The following CALD1 variants were observed in gnomAD, a reference collection of about 807,000 sequenced individuals.
CALD1 encodes caldesmon.
A neutral mutation model predicts 99.9 loss-of-function variants in CALD1; 33 were observed. The ratio of observed to expected loss-of-function variants is 0.33; its 90% CI spans 0.25 to 0.44. The LOEUF (loss-of-function observed/expected upper bound fraction) is 0.44. Among genes scored for constraint, CALD1 ranks in the 20% least tolerant of loss-of-function variants. CALD1 has a pLI of 1.00. For missense variants in CALD1, 861 were observed against 962.1 expected (o/e 0.89, Z 1.39); for synonymous variants, 310 against 325.0 (o/e 0.95, Z 0.50).
intron 3 of CALD1, among the ~76,000 whole-genome samples, chr7:134,869,814 A>T (rs1037137063): frequency 6.6e-6 from 1 of 152,166 alleles, no homozygotes; most frequent in Non-Finnish European, 1.5e-5. Context: ...ACAAAAGCTG[A>T]GGGGATATTC....
chr7:134,813,531 A>G (rs57336488), intron 1 of CALD1, among the ~76,000 whole-genome samples: 30,565 of 152,164 alleles, frequency 0.2, 3,205 homozygotes, highest in East Asian at 0.29. Context: ...TTGCAGGAGT[A>G]AAGACAAACT....
At chr7:134,803,424 CT>C (rs1183292482) in intron 1 of CALD1, among the ~76,000 whole-genome samples, 2 of 151,566 alleles carry the variant, frequency 1.3e-5, no homozygotes, top group Non-Finnish European at 2.9e-5. Flanking sequence ...ATGGCTAGTT[CT>C]TTTTCTTTTC....
At chr7:134,855,250 G>A (rs771193765) in intron 2 of CALD1, among the ~76,000 whole-genome samples, 5 of 152,222 alleles carry the variant, frequency 3.3e-5, no homozygotes, top group East Asian at 1.9e-4. Context: ...TAATGTCCAC[G>A]TTCACTTGTC....
intron 1 of CALD1, among the ~76,000 whole-genome samples, chr7:134,808,406 C>T (rs1798233252): frequency 6.6e-6 from 1 of 152,138 alleles, no homozygotes; most frequent in Non-Finnish European, 1.5e-5. Context: ...CCACCTGGCC[C>T]CCATTCTATT....
intron 1 of CALD1, among the ~76,000 whole-genome samples, chr7:134,821,717 G>A (rs1586029010): frequency 2.0e-5 from 3 of 151,054 alleles, no homozygotes; most frequent in East Asian, 2.0e-4. Context: ...TGAGTAGCTG[G>A]GATTACAGGT....
At chr7:134,926,398 C>G (rs1026095456) in intron 3 of CALD1, among the ~76,000 whole-genome samples, 9 of 152,184 alleles carry the variant, frequency 5.9e-5, no homozygotes, top group African/African-American at 1.9e-4. Flanking sequence ...ATTGCCCCCC[C>G]ATATTTGTGA....
At chr7:134,832,454 A>G (rs1799269015) in intron 1 of CALD1, among the ~76,000 whole-genome samples, 1 of 152,212 alleles carries the variant, frequency 6.6e-6, no homozygotes, top group African/African-American at 2.4e-5. Flanking sequence ...AATAGAAATA[A>G]AAGCAGTCTG....
intron 1 of CALD1, among the ~76,000 whole-genome samples, chr7:134,747,611 C>T (rs765565008): frequency 2.2e-4 from 33 of 152,322 alleles, no homozygotes; most frequent in Middle Eastern, 6.8e-3. Context: ...GGAAGGCCAT[C>T]GCTGCCCAGA....
At chr7:134,727,477 T>C in the CALD1 span, among the ~76,000 whole-genome samples, 21 of 152,216 alleles carry the variant, frequency 1.4e-4, no homozygotes, top group Non-Finnish European at 2.9e-4. Flanking sequence ...GTCCACAAAA[T>C]AGACAGGAGC....
chr7:134,881,779 CCT>C (rs1801615057), intron 3 of CALD1, among the ~76,000 whole-genome samples: 1 of 152,164 alleles, frequency 6.6e-6, no homozygotes, highest in Non-Finnish European at 1.5e-5. Flanking sequence ...TGTCACCCTC[CCT>C]AGAGCCCGTC....
rs184308786 is a variant in CALD1 at position 134,802,255 on chromosome 7, C to T, written c.-130+22506C>T. Among the ~76,000 whole-genome samples the T allele has an allele frequency of 1.8e-3, 273 of 152,142 alleles. 1 individual carries two copies. The highest frequency in any genetic ancestry group is 6.2e-3 in the African/African-American group (258 of 41,494). The stretch of plus-strand genomic sequence containing the variant: ...TTACCACATTGCCTACCTTACACAT[C>T]TACTGTTCTGATTTCTATCACCATA... On this transcript the variant is annotated intron_variant, in intron 1 of 14. Transcript: ENST00000361675.
At chr7:134,903,003 A>C (rs2132623047) in intron 3 of CALD1, among the ~76,000 whole-genome samples, 1 of 152,288 alleles carries the variant, frequency 6.6e-6, no homozygotes, top group South Asian at 2.1e-4. Context: ...TGAGCTCTTA[A>C]GCCATGAAAA....
At chr7:134,940,272 A>T (rs746673775) in intron 6 of CALD1, among the ~76,000 whole-genome samples, 1 of 152,230 alleles carries the variant, frequency 6.6e-6, no homozygotes, top group Non-Finnish European at 1.5e-5. Flanking sequence ...TAAATTCAGT[A>T]TACTTTTAAA....
At chr7:134,948,105 T>A (rs1433176420) in intron 8 of CALD1, 1 of 188,018 alleles carries the variant, frequency 5.3e-6, no homozygotes, top group African/African-American at 2.4e-5. Flanking sequence ...CTTTACTGCC[T>A]CTCAAAAAGG....
chr7:134,753,842 C>T (rs1796705928), intron 1 of CALD1, among the ~76,000 whole-genome samples: 2 of 152,186 alleles, frequency 1.3e-5, no homozygotes, highest in South Asian at 4.1e-4. Flanking sequence ...CCCTCCCTGG[C>T]CTGCTCTGAC....
In CALD1 at chr7:134,889,777, A is replaced by G. The variant is rs576144404; in HGVS notation, c.71+21973A>G. ...TGTCTTATGTGCTACTTTCATCAAT[A>G]TATGTTCGGTGATCATATGTGTAAT... On this transcript the variant is annotated intron_variant, in intron 3 of 14. Transcript: ENST00000361675. Among the ~76,000 whole-genome samples, 17 of 152,306 alleles carry G rather than the reference A, an allele frequency of 1.1e-4. No individual in the cohort carries two copies. In the South Asian group the frequency reaches 3.1e-3, roughly 28 times the overall value.
intron 3 of CALD1, 118 bp from the exon 4 acceptor site, chr7:134,928,636 G>T: frequency 1.2e-6 from 1 of 864,366 alleles, no homozygotes; most frequent in Non-Finnish European, 1.7e-6. Flanking sequence ...CCTTTTAGAC[G>T]TATGTGGTTC....
At chr7:134,907,075 A>G (rs531286228) in intron 3 of CALD1, among the ~76,000 whole-genome samples, 13 of 152,272 alleles carry the variant, frequency 8.5e-5, no homozygotes, top group Admixed American at 8.5e-4. Flanking sequence ...TAGATCGCAT[A>G]TACATGATGA....
intron 11 of CALD1, among the ~76,000 whole-genome samples, chr7:134,958,770 G>T (rs377484940): frequency 9.2e-5 from 14 of 151,416 alleles, no homozygotes; most frequent in East Asian, 7.8e-4. Flanking sequence ...CAATAATAAA[G>T]ATAAATTTTA....
Sources: gnomAD v4.1 joint callset for allele counts (sites outside exome capture counted in the v4.1 genomes callset) on GRCh38, gnomAD v4.1.1 for gene constraint, MANE v1.5 for transcripts, NCBI Gene and HGNC (gene_info 2026-07-23, HGNC 2026-07-21) for gene names.